The following FNTB variants were observed in gnomAD, a reference collection of about 807,000 sequenced individuals.
FNTB encodes farnesyltransferase, CAAX box, subunit beta.
FNTB carries 27 observed loss-of-function variants against 59.4 expected under a neutral mutation model. That is an observed-to-expected ratio of 0.45 (90% CI 0.34 to 0.63). FNTB has a LOEUF of 0.63. Ranked by LOEUF, FNTB falls within the 20% of genes least tolerant of loss-of-function variation. The pLI, the probability that FNTB is intolerant of heterozygous loss-of-function variation, is 0.02. For synonymous variants in FNTB, 230 were observed against 220.7 expected (o/e 1.04, Z -0.37); for missense variants, 449 against 559.6 (o/e 0.80, Z 1.99).
Position 65,032,543 on chromosome 14 carries a change from CG to C in FNTB, c.606-65del. 1 of 1,575,508 alleles carries C rather than the reference CG, an allele frequency of 6.3e-7. No individual in the cohort carries two copies. Among genetic ancestry groups the C allele is most frequent in the Admixed American group, 1.8e-5 (1 of 56,872 alleles). ...CTAGGCAAGGCGAGCAGTCCGCCCG[CG>C]GAGTTCACTGAGCCTCATTAGCTCT... is the stretch of plus-strand genomic sequence containing the variant. On this transcript the variant is annotated intron_variant, in intron 6 of 11. Coordinates refer to ENST00000246166, the MANE Select transcript of FNTB (RefSeq NM_002028.4). The surrounding 1 kb of genome is among the most constrained non-coding windows in gnomAD (Gnocchi z 5.0).
At chr14:65,060,751 T>A (rs1414490451) in intron 11 of FNTB, among the ~76,000 whole-genome samples, 2 of 147,654 alleles carry the variant, frequency 1.4e-5, no homozygotes, top group African/African-American at 5.1e-5. Flanking sequence ...CTCACACCTG[T>A]AATCCCAGCT....
chr14:65,039,447 T>G (rs890850195), intron 7 of FNTB, among the ~76,000 whole-genome samples: 7 of 152,220 alleles, frequency 4.6e-5, no homozygotes, highest in Non-Finnish European at 1.0e-4. Context: ...TGGATTTGAG[T>G]AGGGGACTTA....
At chr14:65,048,194 G>A (rs941007829) in intron 9 of FNTB, among the ~76,000 whole-genome samples, 16 of 151,510 alleles carry the variant, frequency 1.1e-4, no homozygotes, top group African/African-American at 3.6e-4. Flanking sequence ...TGTTGGCCTG[G>A]CTGGTCTCAA....
chr14:65,058,865 T>C (rs1474133113), intron 11 of FNTB, among the ~76,000 whole-genome samples: 2 of 152,232 alleles, frequency 1.3e-5, no homozygotes, highest in African/African-American at 4.8e-5. Context: ...TTTGCCAGTA[T>C]GTTTGCCTAG....
chr14:65,026,900 G>C (rs1030289033), intron 4 of FNTB, among the ~76,000 whole-genome samples: 3 of 152,092 alleles, frequency 2.0e-5, no homozygotes, highest in Admixed American at 6.6e-5. Context: ...CTTCTTACTG[G>C]TGGAGTAGAA....
At position 65,054,509 on chromosome 14, in the gene FNTB, T is replaced by G. The variant is rs2062685712; in HGVS notation, c.1068-66T>G. 27 of 1,494,308 alleles carry G rather than the reference T, an allele frequency of 1.8e-5. No individual in the cohort carries two copies. Among genetic ancestry groups the G allele is most frequent in the Non-Finnish European group, 2.4e-5 (26 of 1,094,184 alleles). The allele number at this position is 1,494,308 out of a possible 1,614,324, so 92.6% of individuals were successfully genotyped here. A position where few individuals can be genotyped will look rare whatever the true frequency, so the allele number is the denominator to read the frequency against. On this transcript the variant is annotated intron_variant, in intron 10 of 11. Coordinates refer to ENST00000246166, the MANE Select transcript of FNTB (RefSeq NM_002028.4). This position sits in a 1 kb window ranked among gnomAD's most constrained non-coding sequence, Gnocchi z 4.4. The stretch of plus-strand genomic sequence containing the variant: ...ATTGCACCAGTGGTCTCTGAATTGG[T>G]GTGGCTACATTTGTAGATGTGTGCG...
At chr14:65,052,689 A>T (rs916648377) in intron 9 of FNTB, among the ~76,000 whole-genome samples, 4 of 152,208 alleles carry the variant, frequency 2.6e-5, no homozygotes, top group Non-Finnish European at 5.9e-5. Flanking sequence ...AGTTACTAGT[A>T]ATGTTTCTTA....
intron 1 of FNTB, among the ~76,000 whole-genome samples, chr14:64,988,112 T>G (rs1888025026): frequency 6.6e-6 from 1 of 152,240 alleles, no homozygotes; most frequent in Non-Finnish European, 1.5e-5. Context: ...ATTGTACAGT[T>G]ATGACTAAAT....
chr14:65,026,735 G>A (rs117180732), intron 4 of FNTB, among the ~76,000 whole-genome samples: 13,754 of 151,940 alleles, frequency 0.091, 842 homozygotes, highest in Admixed American at 0.16. Context: ...GATGGTGCAC[G>A]CCTGTAATCC....
In FNTB at chr14:64,991,953, G is replaced by A. The variant is rs1311912579; in HGVS notation, c.144+4856G>A. On this transcript the variant is annotated intron_variant, in intron 1 of 11. Transcript: ENST00000246166. The surrounding 1 kb of genome is among the most constrained non-coding windows in gnomAD (Gnocchi z 4.4). ...CAGGTGATGTGCTGGCTTCAGGTTC[G>A]GGCAGTGGGCCACCACATATCCTAA... Among the ~76,000 whole-genome samples, 2 of 152,254 alleles carry A rather than the reference G, an allele frequency of 1.3e-5. No homozygotes were observed. The highest frequency in any genetic ancestry group is 2.4e-5 in the African/African-American group (1 of 41,532).
intron 2 of FNTB, 60 bp downstream of exon 2, chr14:65,004,373 C>A (rs996048056): frequency 9.5e-5 from 148 of 1,551,684 alleles, no homozygotes; most frequent in Non-Finnish European, 1.2e-4. Context: ...AGCAGCCTTT[C>A]TTCTTTCCTC....
At position 64,989,592 on chromosome 14, in the gene FNTB, G is replaced by C. The variant is rs1369456738; in HGVS notation, c.144+2495G>C. The stretch of plus-strand genomic sequence containing the variant: ...CCTGCTTCCTATCTGATTATCAGAA[G>C]ACTCGGTTTATTTGTTAAGCAATAA... On this transcript the variant is annotated intron_variant, in intron 1 of 11. Transcript: ENST00000246166. Among the ~76,000 whole-genome samples, 4 of 151,810 alleles carry C rather than the reference G, an allele frequency of 2.6e-5. No individual in the cohort carries two copies. The East Asian group carries it at 7.7e-4, about 29-fold the overall frequency.
chr14:64,996,751 A>T (rs981338560), intron 1 of FNTB, among the ~76,000 whole-genome samples: 1 of 150,144 alleles, frequency 6.7e-6, no homozygotes, highest in African/African-American at 2.4e-5. Context: ...ACTGAGAATT[A>T]ACATTTGCTA....
At chr14:65,002,402 A>G (rs991139010) in intron 1 of FNTB, among the ~76,000 whole-genome samples, 3 of 152,210 alleles carry the variant, frequency 2.0e-5, no homozygotes, top group Non-Finnish European at 4.4e-5. Context: ...TGAGGTCAGG[A>G]GTTCGAGACC....
chr14:65,036,296 G>C (rs1029552283), intron 7 of FNTB, among the ~76,000 whole-genome samples: 1 of 150,752 alleles, frequency 6.6e-6, no homozygotes, highest in South Asian at 2.1e-4. Context: ...GAGTGCAGTG[G>C]CGTGATCTTG....
Position 65,054,139 on chromosome 14 carries a change from G to A in FNTB, c.1068-436G>A. On this transcript the variant is annotated intron_variant, in intron 10 of 11. Transcript: ENST00000246166. The surrounding 1 kb of genome is among the most constrained non-coding windows in gnomAD (Gnocchi z 4.4). ...TTGTATTTTACTTTTTTGAGACAGG[G>A]TCTCACTCTGTCACCCAGGCTGGAG... is the stretch of plus-strand genomic sequence containing the variant. 6.6e-6 allele frequency among the ~76,000 whole-genome samples: 1 copy of A among 151,868 alleles called. No homozygotes were observed. Among genetic ancestry groups the A allele is most frequent in the Non-Finnish European group, 1.5e-5 (1 of 67,986 alleles).
In FNTB at chr14:64,996,179, C is replaced by T. The variant is rs149721646; in HGVS notation, c.145-8070C>T. Among the ~76,000 whole-genome samples, 205 of 150,488 alleles carry T rather than the reference C, an allele frequency of 1.4e-3. 1 individual carries two copies. Among genetic ancestry groups the T allele is most frequent in the African/African-American group, 5.0e-3 (205 of 41,086 alleles). ...AAACAACCAAGCCTGGGCTGGGCAC[C>T]GTGGCTCATGCCCGTGATCCCAGCA... On this transcript the variant is annotated intron_variant, in intron 1 of 11. Transcript: ENST00000246166.
chr14:65,005,449 TTTTCTTTC>T (rs71123898), intron 2 of FNTB, among the ~76,000 whole-genome samples: 5,186 of 119,822 alleles, frequency 0.043, 139 homozygotes, highest in Middle Eastern at 0.096. Flanking sequence ...TCTTCCTTTC[TTTTCTTTC>T]TTTCTTTCTT....
intron 7 of FNTB, among the ~76,000 whole-genome samples, chr14:65,033,942 T>A (rs1046582758): frequency 3.9e-5 from 6 of 152,176 alleles, no homozygotes; most frequent in Non-Finnish European, 7.3e-5. Context: ...GTTAAAAAAA[T>A]TTTATTTTTA....
Sources: allele counts gnomAD v4.1 joint callset (sites outside exome capture counted in the v4.1 genomes callset), GRCh38; gene constraint gnomAD v4.1.1; non-coding constraint Gnocchi (gnomAD v3.1); transcripts MANE v1.5; gene names NCBI Gene and HGNC (gene_info 2026-07-23, HGNC 2026-07-21).